The following A1CF variants were observed in gnomAD, a reference collection of about 807,000 sequenced individuals.
A1CF encodes APOBEC-1 stimulating protein.
In A1CF, 48 loss-of-function variants were observed where a neutral mutation model predicts 68.9. That is an observed-to-expected ratio of 0.70 (90% CI 0.55 to 0.89). The LOEUF (loss-of-function observed/expected upper bound fraction) is 0.89. Ranked by LOEUF, A1CF falls within the 40% of genes least tolerant of loss-of-function variation. The pLI is 0.00. For synonymous variants in A1CF, 272 were observed against 260.4 expected (o/e 1.04, Z -0.43); for missense variants, 653 against 718.9 (o/e 0.91, Z 1.05).
intron 1 of A1CF, among the ~76,000 whole-genome samples, chr10:50,877,918 C>T (rs932526342): frequency 2.6e-5 from 4 of 152,100 alleles, no homozygotes; most frequent in East Asian, 1.9e-4. Context: ...GTCAGGAGAT[C>T]GAGACCATCC....
At chr10:50,876,274 A>C (rs965247393) in intron 1 of A1CF, among the ~76,000 whole-genome samples, 1 of 152,264 alleles carries the variant, frequency 6.6e-6, no homozygotes, top group African/African-American at 2.4e-5. Context: ...AGCACATCAC[A>C]CAAGAAACCT....
intron 8 of A1CF, among the ~76,000 whole-genome samples, chr10:50,818,711 G>A (rs570657442): frequency 6.6e-6 from 1 of 152,156 alleles, no homozygotes; most frequent in Non-Finnish European, 1.5e-5. Flanking sequence ...TTATGCATTA[G>A]TTTTTCTTTG....
intron 8 of A1CF, 141 bp downstream of exon 8, chr10:50,820,411 T>G: frequency 1.7e-6 from 1 of 596,070 alleles, no homozygotes; most frequent in Non-Finnish European, 2.8e-6. Context: ...ATCATTTCTC[T>G]TTAGTACATC....
At chr10:50,854,110 A>G (rs1225338343) in intron 3 of A1CF, among the ~76,000 whole-genome samples, 1 of 151,998 alleles carries the variant, frequency 6.6e-6, no homozygotes, top group Non-Finnish European at 1.5e-5. Flanking sequence ...ACTGACCCTT[A>G]GAAATCTTTT....
intron 5 of A1CF, among the ~76,000 whole-genome samples, chr10:50,837,697 T>C (rs1839569083): frequency 6.6e-6 from 1 of 152,202 alleles, no homozygotes; most frequent in East Asian, 1.9e-4. Context: ...CATTCAAAAG[T>C]GCCTCCCCAC....
At position 50,850,929 on chromosome 10, in the gene A1CF, G is replaced by C. The variant is rs927293221; in HGVS notation, c.100-6807C>G. On this transcript the variant is annotated intron_variant, in intron 3 of 12. Coordinates refer to ENST00000373997, the MANE Select transcript of A1CF (RefSeq NM_014576.4). ...TAACTTTTTTGTTTACTTACAATTT[G>C]CCTTTTTGAATTAACTATTATTATG... is the stretch of plus-strand genomic sequence containing the variant. 11 of 1,174,568 alleles carry C rather than the reference G, an allele frequency of 9.4e-6. No homozygotes were observed. The African/African-American group carries it at 1.7e-4, about 18-fold the overall frequency. The allele number at this position is 1,174,568 out of a possible 1,614,324, so 72.8% of individuals were successfully genotyped here. A position where few individuals can be genotyped will look rare whatever the true frequency, so the allele number is the denominator to read the frequency against.
At chr10:50,877,301 T>G (rs1841557742) in intron 1 of A1CF, among the ~76,000 whole-genome samples, 1 of 152,242 alleles carries the variant, frequency 6.6e-6, no homozygotes, top group Non-Finnish European at 1.5e-5. Context: ...GAGCTGTGTG[T>G]GGTCTATTTC....
chr10:50,881,982 T>C (rs976795335), intron 1 of A1CF, among the ~76,000 whole-genome samples: 2 of 152,200 alleles, frequency 1.3e-5, no homozygotes, highest in African/African-American at 4.8e-5. Flanking sequence ...CTTACATATG[T>C]TTAAAAGAAA....
At chr10:50,825,832 A>C (rs1232818957) in intron 7 of A1CF, among the ~76,000 whole-genome samples, 1 of 152,074 alleles carries the variant, frequency 6.6e-6, no homozygotes, top group Non-Finnish European at 1.5e-5. Flanking sequence ...TACTTATGTC[A>C]CAAGTGTATT....
chr10:50,843,958 A>G (rs1351503862), intron 4 of A1CF, 30 bp downstream of exon 4: 2 of 1,611,850 alleles, frequency 1.2e-6, no homozygotes, highest in Non-Finnish European at 1.7e-6. Context: ...TTGAACGATA[A>G]GAAAAATTAA....
chr10:50,842,653 A>G (rs899314844), intron 4 of A1CF, among the ~76,000 whole-genome samples: 1 of 152,168 alleles, frequency 6.6e-6, no homozygotes, highest in Non-Finnish European at 1.5e-5. Context: ...ATTTCCTCTA[A>G]ATTGTCCTCT....
intron 5 of A1CF, among the ~76,000 whole-genome samples, chr10:50,837,376 G>A (rs544522064): frequency 2.9e-4 from 44 of 152,252 alleles, no homozygotes; most frequent in Middle Eastern, 6.8e-3. Context: ...AACTATTCTG[G>A]AGAACATTTG....
At chr10:50,818,846 G>T (rs1215005970) in intron 8 of A1CF, among the ~76,000 whole-genome samples, 1 of 152,118 alleles carries the variant, frequency 6.6e-6, no homozygotes, top group Non-Finnish European at 1.5e-5. Context: ...TGTCTGAAGG[G>T]CCTAGGCTAA....
At chr10:50,878,880 T>C (rs1564538256) in intron 1 of A1CF, among the ~76,000 whole-genome samples, 1 of 152,184 alleles carries the variant, frequency 6.6e-6, no homozygotes, top group Non-Finnish European at 1.5e-5. Context: ...ACTAACAAAA[T>C]TCTTTAATAA....
rs181608593 is a variant in A1CF, at chr10:50,837,898, G to A, written c.366-1586C>T. Among the ~76,000 whole-genome samples the A allele has an allele frequency of 7.2e-5, 11 of 152,308 alleles. No homozygotes were observed. The East Asian group carries it at 2.1e-3, about 29-fold the overall frequency. On this transcript the variant is annotated intron_variant, in intron 5 of 12. Coordinates refer to ENST00000373997, the MANE Select transcript of A1CF (RefSeq NM_014576.4). ...TTAAAAGGCTATAAAATAAGTATATGTGAAGGCCATTTTGATTAAAAATGT... is the reference window on the plus strand; with the variant it reads ...TTAAAAGGCTATAAAATAAGTATATATGAAGGCCATTTTGATTAAAAATGT...
At chr10:50,818,795 G>A (rs1838494672) in intron 8 of A1CF, among the ~76,000 whole-genome samples, 1 of 152,090 alleles carries the variant, frequency 6.6e-6, no homozygotes. Context: ...TTTTGAGTTT[G>A]AGTGGGCCCC....
At chr10:50,831,221 C>T (rs1839221752) in intron 6 of A1CF, among the ~76,000 whole-genome samples, 1 of 152,064 alleles carries the variant, frequency 6.6e-6, no homozygotes, top group Admixed American at 6.5e-5. Context: ...TGGCTATAAC[C>T]CCCAAAGCAC....
chr10:50,839,219 C>G (rs932356503), intron 5 of A1CF, among the ~76,000 whole-genome samples: 1 of 152,132 alleles, frequency 6.6e-6, no homozygotes, highest in Non-Finnish European at 1.5e-5. Context: ...TTTACAGGCC[C>G]TATTGGGTAA....
chr10:50,851,817 C>T (rs1023093008), intron 3 of A1CF, among the ~76,000 whole-genome samples: 5 of 152,208 alleles, frequency 3.3e-5, no homozygotes, highest in Admixed American at 3.3e-4. Context: ...CATCTTGGTT[C>T]CCTGCTCAGC....
Sources: allele counts gnomAD v4.1 joint callset (sites outside exome capture counted in the v4.1 genomes callset), GRCh38; gene constraint gnomAD v4.1.1; transcripts MANE v1.5; gene names NCBI Gene and HGNC (gene_info 2026-07-23, HGNC 2026-07-21).